COL25A1: variants seen among roughly 807,000 people sequenced by gnomAD.
COL25A1 encodes the protein collagen type XXV alpha 1 chain.
A neutral mutation model predicts 128.4 loss-of-function variants in COL25A1; 103 were observed. The observed-to-expected ratio is 0.80, with a 90% CI of 0.68 to 0.94. The LOEUF is 0.94. COL25A1 is among the 40% of genes least tolerant of loss of function. The pLI is 0.00. For missense variants in COL25A1, 745 were observed against 840.0 expected (o/e 0.89, Z 1.40); for synonymous variants, 279 against 277.2 (o/e 1.01, Z -0.06).
intron 3 of COL25A1, among the ~76,000 whole-genome samples, chr4:109,118,953 C>A (rs544781418): frequency 6.6e-6 from 1 of 152,042 alleles, no homozygotes; most frequent in East Asian, 1.9e-4. Flanking sequence ...CACCAAGATA[C>A]CCCACATTTT....
chr4:109,301,338 T>C (rs1343926071), intron 2 of COL25A1, among the ~76,000 whole-genome samples: 3 of 152,236 alleles, frequency 2.0e-5, no homozygotes, highest in Non-Finnish European at 4.4e-5. Context: ...ATAACATCTA[T>C]GACCCTAACC....
At chr4:108,988,993 C>T (rs1753922436) in intron 6 of COL25A1, among the ~76,000 whole-genome samples, 1 of 152,238 alleles carries the variant, frequency 6.6e-6, no homozygotes, top group Admixed American at 6.5e-5. Context: ...CACTCTATCC[C>T]ACTGTGGCCT....
At position 108,841,718 on chromosome 4, in the gene COL25A1, G is replaced by T; in HGVS notation, c.1633C>A (p.Pro545Thr). 1 of 1,611,036 alleles carries T rather than the reference G, an allele frequency of 6.2e-7. No homozygotes were observed. Among genetic ancestry groups the T allele is most frequent in the South Asian group, 1.1e-5 (1 of 90,948 alleles). ...GPHGPPGPMG[P>T]HGLPGPKGTD... ...ACCTTTGGTCCAGGAAGTCCATGAGGTCCCTGAAAATGGAAAACAGAGCTT... is the reference window on the plus strand; with the variant it reads ...ACCTTTGGTCCAGGAAGTCCATGAGTTCCCTGAAAATGGAAAACAGAGCTT... The change falls in exon 31 of 38, where the codon CCT becomes ACT. Residue 545 changes from proline (P) to threonine (T), a missense_variant. Coordinates refer to ENST00000399132, the MANE Select transcript of COL25A1 (RefSeq NM_198721.4).
rs142754047 is a variant in COL25A1 at position 109,021,355 on chromosome 4, G to A, written c.421-10980C>T. On this transcript the variant is annotated intron_variant, in intron 5 of 37. Transcript: ENST00000399132. ...AAACAGAGGGACTGGCTGGAGCAGC[G>A]GCAGAGGAACATAAATTGTGAAGAT... Among the ~76,000 whole-genome samples, 1,191 of 152,216 alleles carry A rather than the reference G, an allele frequency of 7.8e-3. 11 individuals are homozygous for A. Among genetic ancestry groups the A allele is most frequent in the Admixed American group, 0.013 (197 of 15,288 alleles).
chr4:109,169,690 T>C (rs1166311724), intron 3 of COL25A1, among the ~76,000 whole-genome samples: 1 of 152,168 alleles, frequency 6.6e-6, no homozygotes, highest in Non-Finnish European at 1.5e-5. Flanking sequence ...TCCACTATAA[T>C]ATGGTTAATT....
intron 3 of COL25A1, among the ~76,000 whole-genome samples, chr4:109,076,027 AATT>A (rs1238591725): frequency 6.6e-6 from 1 of 152,206 alleles, no homozygotes; most frequent in African/African-American, 2.4e-5. Flanking sequence ...ATAGTATAAC[AATT>A]ATTTACATAG....
At chr4:108,931,496 G>A (rs1746736200) in intron 11 of COL25A1, among the ~76,000 whole-genome samples, 1 of 152,198 alleles carries the variant, frequency 6.6e-6, no homozygotes, top group Admixed American at 6.5e-5. Context: ...TGTTGAGACT[G>A]TCTTTCTGCT....
At chr4:108,994,501 T>C (rs1404045815) in intron 6 of COL25A1, among the ~76,000 whole-genome samples, 1 of 152,218 alleles carries the variant, frequency 6.6e-6, no homozygotes, top group Non-Finnish European at 1.5e-5. Context: ...CAGCAAGGCC[T>C]ACTGCCTCTA....
rs147865341 is a variant in COL25A1, at chr4:109,139,020, G to A, written c.368-88841C>T. Among the ~76,000 whole-genome samples, 1,325 of 152,188 alleles carry A rather than the reference G, an allele frequency of 8.7e-3. 7 individuals carry two copies. The highest frequency in any genetic ancestry group is 0.028 in the African/African-American group (1,174 of 41,524). On this transcript the variant is annotated intron_variant, in intron 3 of 37. Transcript: ENST00000399132. ...CCACACCCAGCCTTTTCTAACTGGCGTGAGATGGTATCTCATTGTGGTTTT... is the reference window on the plus strand; with the variant it reads ...CCACACCCAGCCTTTTCTAACTGGCATGAGATGGTATCTCATTGTGGTTTT...
intron 3 of COL25A1, among the ~76,000 whole-genome samples, chr4:109,052,364 A>G (rs1761075916): frequency 6.6e-6 from 1 of 152,340 alleles, no homozygotes. Context: ...CTGAGAATTG[A>G]AGAACAGGAT....
At chr4:109,073,692 G>T (rs1398730293) in intron 3 of COL25A1, among the ~76,000 whole-genome samples, 3 of 152,004 alleles carry the variant, frequency 2.0e-5, no homozygotes, top group Non-Finnish European at 4.4e-5. Context: ...TATCTTTCCT[G>T]GCTGCTTTCC....
chr4:109,111,248 CA>C (rs1766990389), intron 3 of COL25A1, among the ~76,000 whole-genome samples: 1 of 152,210 alleles, frequency 6.6e-6, no homozygotes, highest in Non-Finnish European at 1.5e-5. Flanking sequence ...AGCTTTACAA[CA>C]ACTGTGAAGG....
intron 3 of COL25A1, among the ~76,000 whole-genome samples, chr4:109,063,168 G>A (rs1335608062): frequency 2.0e-5 from 3 of 152,168 alleles, no homozygotes; most frequent in African/African-American, 7.2e-5. Flanking sequence ...AGAGAAAAGT[G>A]TTGAGAAAAG....
At chr4:108,886,492 G>GTGTGTT (rs58157157) in intron 18 of COL25A1, among the ~76,000 whole-genome samples, 1,099 of 109,236 alleles carry the variant, frequency 0.01, 43 homozygotes, top group African/African-American at 0.024. Flanking sequence ...GTGTGTGTGT[G>GTGTGTT]TTTAGCTCAT....
intron 3 of COL25A1, among the ~76,000 whole-genome samples, chr4:109,088,448 T>G (rs751960025): frequency 1.6e-4 from 25 of 152,186 alleles, no homozygotes; most frequent in Non-Finnish European, 3.1e-4. Flanking sequence ...TTGTATAAAT[T>G]TATGGGGTGA....
At chr4:109,106,075 C>T (rs950592055) in intron 3 of COL25A1, among the ~76,000 whole-genome samples, 1 of 152,198 alleles carries the variant, frequency 6.6e-6, no homozygotes, top group Admixed American at 6.5e-5. Flanking sequence ...ATCTCGCTCA[C>T]ATAATCAGGA....
chr4:109,233,481 C>G (rs983898621), intron 3 of COL25A1, among the ~76,000 whole-genome samples: 3 of 151,840 alleles, frequency 2.0e-5, no homozygotes, highest in Admixed American at 1.3e-4. Flanking sequence ...TTTTTTCTTT[C>G]TTCTGACTAT....
At chr4:108,985,438 T>G (rs1753573119) in intron 6 of COL25A1, among the ~76,000 whole-genome samples, 1 of 152,166 alleles carries the variant, frequency 6.6e-6, no homozygotes, top group Non-Finnish European at 1.5e-5. Flanking sequence ...TCTCCCTAAG[T>G]AGATTGGGCA....
chr4:109,086,377 G>A (rs1764373797), intron 3 of COL25A1, among the ~76,000 whole-genome samples: 1 of 152,104 alleles, frequency 6.6e-6, no homozygotes, highest in Non-Finnish European at 1.5e-5. Context: ...ATAAATTGAA[G>A]GAAGAGATGC....
Sources: gnomAD v4.1 joint callset for allele counts (sites outside exome capture counted in the v4.1 genomes callset) on GRCh38, gnomAD v4.1.1 for gene constraint, MANE v1.5 for transcripts, NCBI Gene and HGNC (gene_info 2026-07-23, HGNC 2026-07-21) for gene names.